WARS2: variants seen among roughly 807,000 people sequenced by gnomAD.
The protein encoded by WARS2 is tryptophanyl tRNA synthetase 2, mitochondrial.
WARS2 carries 28 observed loss-of-function variants against 36.5 expected under a neutral mutation model. The observed-to-expected ratio is 0.77, with a 90% CI of 0.57 to 1.05. The LOEUF is 1.05. Among genes scored for constraint, WARS2 ranks in the 50% least tolerant of loss-of-function variants. The pLI, the probability that WARS2 is intolerant of heterozygous loss-of-function variation, is 0.00. For synonymous variants in WARS2, 174 were observed against 178.4 expected (o/e 0.98, Z 0.20); for missense variants, 435 against 456.8 (o/e 0.95, Z 0.44).
chr1:119,082,227 G>C (rs946518284), intron 1 of WARS2: 4 of 975,288 alleles, frequency 4.1e-6, no homozygotes, highest in African/African-American at 1.8e-5. Context: ...TTCAGTAAAA[G>C]AGTTTAAAAG....
intron 1 of WARS2, among the ~76,000 whole-genome samples, chr1:119,078,314 T>C (rs1651897797): frequency 1.3e-5 from 2 of 152,246 alleles, no homozygotes; most frequent in Admixed American, 1.3e-4. Context: ...ATTATACAGG[T>C]ATCTTAATGT....
chr1:119,133,832 C>A (rs1286202783), intron 1 of WARS2, among the ~76,000 whole-genome samples: 1 of 151,720 alleles, frequency 6.6e-6, no homozygotes, highest in East Asian at 1.9e-4. Context: ...CATCATCTTG[C>A]AAAACTGGTT....
At chr1:119,085,100 A>G (rs1557970056) in intron 1 of WARS2, 4 of 774,728 alleles carry the variant, frequency 5.2e-6, no homozygotes, top group South Asian at 4.0e-5. Flanking sequence ...CTCTACTTCT[A>G]TGACTACGCC....
At chr1:119,125,595 A>T (rs1655601263) in intron 1 of WARS2, among the ~76,000 whole-genome samples, 1 of 152,242 alleles carries the variant, frequency 6.6e-6, no homozygotes, top group Non-Finnish European at 1.5e-5. Context: ...ACCAGGTGAC[A>T]TATTCAAATA....
At chr1:119,140,528 G>T in intron 1 of WARS2, 27 bp downstream of exon 1, 1 of 1,605,118 alleles carries the variant, frequency 6.2e-7, no homozygotes, top group Admixed American at 1.7e-5. Context: ...ATGGGAAGCC[G>T]CGGAGGGAAG....
intron 1 of WARS2, among the ~76,000 whole-genome samples, chr1:119,123,940 A>G (rs1025935220): frequency 2.6e-5 from 4 of 152,108 alleles, no homozygotes; most frequent in African/African-American, 4.8e-5. Flanking sequence ...TTGGTCTCAC[A>G]TATCTAACTG....
At chr1:119,129,006 G>A (rs1279878502) in intron 1 of WARS2, among the ~76,000 whole-genome samples, 4 of 152,212 alleles carry the variant, frequency 2.6e-5, no homozygotes, top group African/African-American at 9.6e-5. Flanking sequence ...GAGATGTCAT[G>A]TGGATGCTGA....
intron 2 of WARS2, among the ~76,000 whole-genome samples, chr1:119,066,064 A>G (rs1338986625): frequency 6.6e-6 from 1 of 152,220 alleles, no homozygotes; most frequent in East Asian, 1.9e-4. Flanking sequence ...CCAGTATAGA[A>G]TAACTTAAAA....
intron 2 of WARS2, among the ~76,000 whole-genome samples, chr1:119,058,971 T>C (rs1305212680): frequency 6.6e-6 from 1 of 152,068 alleles, no homozygotes; most frequent in Admixed American, 6.5e-5. Flanking sequence ...CCAGGACCTG[T>C]TGTTTCCTGA....
intron 1 of WARS2, among the ~76,000 whole-genome samples, chr1:119,090,881 C>G (rs1310075661): frequency 6.6e-6 from 1 of 152,068 alleles, no homozygotes; most frequent in African/African-American, 2.4e-5. Flanking sequence ...GGCAACAGAG[C>G]AAGATCCTGT....
intron 1 of WARS2, among the ~76,000 whole-genome samples, chr1:119,090,776 G>A (rs1652986623): frequency 6.6e-6 from 1 of 152,108 alleles, no homozygotes; most frequent in African/African-American, 2.4e-5. Flanking sequence ...CATGCCTGTA[G>A]TACCAGCTAC....
chr1:119,058,329 T>TA (rs1650024568), intron 2 of WARS2, among the ~76,000 whole-genome samples: 3 of 151,356 alleles, frequency 2.0e-5, no homozygotes, highest in South Asian at 4.2e-4. Flanking sequence ...TTTTATACTT[T>TA]AAGTTTTAGG....
Position 119,032,797 on chromosome 1 carries a change from C to G in WARS2, c.*114G>C. Reference sequence around the variant, plus strand: ...TTCATCAAATAAAGCCAATAATCAGCTATACCAAATTAAATGTCCCAAAAC... The same window carrying G: ...TTCATCAAATAAAGCCAATAATCAGGTATACCAAATTAAATGTCCCAAAAC... On this transcript the variant is annotated 3_prime_UTR_variant, in exon 6 of 6. Transcript: ENST00000235521. 1.0e-6 allele frequency: 1 copy of G among 968,660 alleles called. No homozygotes were observed. The highest frequency in any genetic ancestry group is 1.5e-6 in the Non-Finnish European group (1 of 659,496). The allele number at this position is 968,660 out of a possible 1,614,324, so 60.0% of individuals were successfully genotyped here.
In WARS2 at chr1:119,076,491, T is replaced by G; in HGVS notation, c.207A>C (p.Val69=). ...AGTGGAGGTCAACAATGCTGTATAA[T>G]ACAGAGTCATATTCATCCTGTAACC... ...WVRLQDEYDS[V]LYSIVDLHSI... is the part of the protein sequence containing the mutation. Residue 69 remains valine (V), a synonymous_variant, in exon 2 of 6, where the codon GTA becomes GTC. Coordinates refer to ENST00000235521, the MANE Select transcript of WARS2 (RefSeq NM_015836.4). The G allele has an allele frequency of 6.2e-7, 1 of 1,614,124 alleles. No homozygotes were observed. The highest frequency in any genetic ancestry group is 8.5e-7 in the Non-Finnish European group (1 of 1,180,020).
At chr1:119,045,711 C>G in intron 2 of WARS2, 49 bp from the exon 3 acceptor site, 1 of 1,441,098 alleles carries the variant, frequency 6.9e-7, no homozygotes, top group South Asian at 1.2e-5. Flanking sequence ...TGTTTTCTTG[C>G]ATATAAGAAG....
chr1:119,100,850 T>G (rs971478642), intron 1 of WARS2, among the ~76,000 whole-genome samples: 1 of 152,058 alleles, frequency 6.6e-6, no homozygotes, highest in Admixed American at 6.6e-5. Flanking sequence ...GTTGCCCAGG[T>G]TGGTCTCGAA....
At chr1:119,136,128 G>A (rs1656492722) in intron 1 of WARS2, among the ~76,000 whole-genome samples, 1 of 148,770 alleles carries the variant, frequency 6.7e-6, no homozygotes, top group Non-Finnish European at 1.5e-5. Flanking sequence ...ATATTTGTCT[G>A]TGTGTGTGTG....
chr1:119,122,430 T>C (rs956022588), intron 1 of WARS2, among the ~76,000 whole-genome samples: 1 of 152,176 alleles, frequency 6.6e-6, no homozygotes, highest in Non-Finnish European at 1.5e-5. Flanking sequence ...AGGAACAGTT[T>C]TACACTGCTG....
chr1:119,090,588 C>T (rs1018733620), intron 1 of WARS2, among the ~76,000 whole-genome samples: 4 of 152,050 alleles, frequency 2.6e-5, no homozygotes, highest in African/African-American at 9.7e-5. Context: ...AAAAATAAGC[C>T]TGGGCCAGAT....
Sources: gnomAD v4.1 joint callset for allele counts (sites outside exome capture counted in the v4.1 genomes callset) on GRCh38, gnomAD v4.1.1 for gene constraint, MANE v1.5 for transcripts, NCBI Gene and HGNC (gene_info 2026-07-23, HGNC 2026-07-21) for gene names.